Variants in OGDH observed in about 807,000 individuals in gnomAD.
The protein encoded by OGDH is 2-oxoglutarate dehydrogenase complex component E1.
Under a neutral mutation model 116.6 loss-of-function variants are expected in OGDH, and 38 were observed. That is an observed-to-expected ratio of 0.33 (90% CI 0.25 to 0.43). The LOEUF is 0.43. Ranked by LOEUF, OGDH falls within the 20% of genes least tolerant of loss-of-function variation. OGDH has a pLI of 1.00. For synonymous variants in OGDH, 488 were observed against 533.3 expected, an observed-to-expected ratio of 0.92 and a Z score of 1.17; for missense variants, 825 against 1,357.2, an observed-to-expected ratio of 0.61 and a Z score of 6.16.
intron 1 of OGDH, among the ~76,000 whole-genome samples, chr7:44,607,778 G>T (rs1451518426): frequency 6.6e-6 from 1 of 152,146 alleles, no homozygotes; most frequent in Non-Finnish European, 1.5e-5. Flanking sequence ...TCGGCTCACT[G>T]CAACCTCTGC....
In OGDH at chr7:44,660,332, C is replaced by G. The variant is rs1786878605; in HGVS notation, c.518-6404C>G. ...TAGAGGTGAAATCTCACTGTATTGC[C>G]CGGGCTGGTCATTATTGTATTCTTT... On this transcript the variant is annotated intron_variant, in intron 4 of 22. Transcript: ENST00000222673. Among the ~76,000 whole-genome samples, 2 of 152,066 alleles carry G rather than the reference C, an allele frequency of 1.3e-5. 1 individual carries two copies. The highest frequency in any genetic ancestry group is 4.1e-4 in the South Asian group (2 of 4,826).
chr7:44,644,751 G>A (rs2115771387), intron 2 of OGDH, among the ~76,000 whole-genome samples: 1 of 152,314 alleles, frequency 6.6e-6, no homozygotes, highest in South Asian at 2.1e-4. Context: ...CAAAGGATCA[G>A]GTTCCACTTT....
At chr7:44,645,678 T>TA (rs1237356662) in intron 3 of OGDH, among the ~76,000 whole-genome samples, 160 bp downstream of exon 3, 36 of 152,084 alleles carry the variant, frequency 2.4e-4, no homozygotes, top group African/African-American at 8.0e-4. Context: ...AAAAAACAAA[T>TA]ACACAAGAAA....
In OGDH at chr7:44,675,269, GTGAGGCACC is replaced by G. The variant is rs1787642327; in HGVS notation, c.1026+4_1026+12del. 1.2e-6 allele frequency: 2 copies of G among 1,612,954 alleles called. No homozygotes were observed. Among genetic ancestry groups the G allele is most frequent in the Non-Finnish European group, 1.7e-6 (2 of 1,179,124 alleles). ...TTCAAAGCTGGAGGCAGCTGATGAG[GTGAGGCACC>G]TGCATAGAGACACATCCAGCATAGC... On this transcript the variant is annotated splice_donor_variant and splice_donor_5th_base_variant and intron_variant, in intron 8 of 22. Coordinates refer to ENST00000222673, the MANE Select transcript of OGDH (RefSeq NM_002541.4). LOFTEE classifies it high-confidence loss of function.
intron 2 of OGDH, 137 bp from the exon 3 acceptor site, chr7:44,645,190 C>A: frequency 1.4e-6 from 1 of 728,028 alleles, no homozygotes; most frequent in South Asian, 1.8e-5. Flanking sequence ...GACAGAGACC[C>A]CACTGTCCAG....
intron 4 of OGDH, among the ~76,000 whole-genome samples, chr7:44,651,926 T>G (rs1248314144): frequency 6.6e-6 from 1 of 151,520 alleles, no homozygotes; most frequent in Non-Finnish European, 1.5e-5. Context: ...GTTCTCAAAC[T>G]CCTCTGAGCT....
chr7:44,708,126 C>G lies in OGDH; in HGVS notation c.*127C>G. 7.7e-7 allele frequency: 1 copy of G among 1,302,618 alleles called. No homozygotes were observed. The highest frequency in any genetic ancestry group is 1.5e-5 in the African/African-American group (1 of 68,032). The allele number at this position is 1,302,618 out of a possible 1,614,324, so 80.7% of individuals were successfully genotyped here. A position where few individuals can be genotyped will look rare whatever the true frequency, so the allele number is the denominator to read the frequency against. Reference sequence around the variant, plus strand: ...CCTCCTCGCTGTGCCACCACCCCTCCCTCTGCTCTCATAGGAGTTAGGCTG... The same window carrying G: ...CCTCCTCGCTGTGCCACCACCCCTCGCTCTGCTCTCATAGGAGTTAGGCTG... On this transcript the variant is annotated 3_prime_UTR_variant, in exon 23 of 23. Transcript: ENST00000222673.
chr7:44,613,949 G>C (rs945323417), intron 1 of OGDH, among the ~76,000 whole-genome samples: 2 of 151,930 alleles, frequency 1.3e-5, no homozygotes, highest in African/African-American at 4.8e-5. Flanking sequence ...TGGGATTACA[G>C]GTATGTGCTG....
intron 9 of OGDH, among the ~76,000 whole-genome samples, chr7:44,679,454 T>C (rs1254723965): frequency 1.3e-5 from 2 of 152,172 alleles, no homozygotes; most frequent in Non-Finnish European, 2.9e-5. Flanking sequence ...GTTCTGTTTT[T>C]AAAAATTCTA....
intron 2 of OGDH, among the ~76,000 whole-genome samples, chr7:44,633,269 A>AAC (rs1554298392): frequency 6.6e-6 from 1 of 151,352 alleles, no homozygotes; most frequent in Non-Finnish European, 1.5e-5. Flanking sequence ...AAAAAAAAAA[A>AAC]AAAAACCCTC....
intron 19 of OGDH, 26 bp from the exon 20 acceptor site, chr7:44,701,517 C>T: frequency 6.2e-7 from 1 of 1,604,872 alleles, no homozygotes; most frequent in Non-Finnish European, 8.5e-7. Flanking sequence ...TCTGATCCTT[C>T]ACGAGCCTAT....
Position 44,707,415 on chromosome 7 carries a change from G to T in OGDH, c.2796+27G>T. ...TGAGGGCAGGTGGTGCCATCAGGGT[G>T]TCCCCCCAGCGGGGGTCAGGGCTCT... On this transcript the variant is annotated intron_variant, in intron 21 of 22. Transcript: ENST00000222673. This position sits in a 1 kb window ranked among gnomAD's most constrained non-coding sequence, Gnocchi z 5.2. 6.2e-7 allele frequency: 1 copy of T among 1,613,360 alleles called. No homozygotes were observed. The highest frequency in any genetic ancestry group is 2.2e-5 in the East Asian group (1 of 44,890).
At chr7:44,699,246 T>C (rs1788719236) in intron 18 of OGDH, among the ~76,000 whole-genome samples, 1 of 151,916 alleles carries the variant, frequency 6.6e-6, no homozygotes, top group African/African-American at 2.4e-5. Context: ...GCCAATATAG[T>C]GAAACCCCGT....
rs1193273919 is a variant in OGDH at position 44,694,226 on chromosome 7, C to G, written c.1516-198C>G. Among the ~76,000 whole-genome samples, 1 of 152,124 alleles carries G rather than the reference C, an allele frequency of 6.6e-6. No homozygotes were observed. The highest frequency in any genetic ancestry group is 1.5e-5 in the Non-Finnish European group (1 of 68,024). ...GGAGCTGTGGTGGTGAGGAGGGCCA[C>G]TCCTCATTGACAGAGCAGCTCTACT... is the stretch of plus-strand genomic sequence containing the variant. On this transcript the variant is annotated intron_variant, in intron 11 of 22. Transcript: ENST00000222673. The surrounding 1 kb of genome is among the most constrained non-coding windows in gnomAD (Gnocchi z 4.2).
intron 2 of OGDH, among the ~76,000 whole-genome samples, chr7:44,627,971 C>G (rs1279456265): frequency 6.6e-6 from 1 of 152,224 alleles, no homozygotes; most frequent in Non-Finnish European, 1.5e-5. Flanking sequence ...GCCACTGCAC[C>G]CAGCCCCATT....
At chr7:44,671,491 C>T (rs569796587) in intron 5 of OGDH, among the ~76,000 whole-genome samples, 84 of 151,994 alleles carry the variant, frequency 5.5e-4, no homozygotes, top group African/African-American at 1.9e-3. Context: ...TAGCCGGGCG[C>T]GGTGGCTCAC....
intron 4 of OGDH, among the ~76,000 whole-genome samples, chr7:44,661,310 C>T (rs929483527): frequency 3.8e-4 from 58 of 152,178 alleles, no homozygotes; most frequent in Non-Finnish European, 5.7e-4. Context: ...TGCATTTTTT[C>T]CTCCCTTTAC....
chr7:44,706,624 ATTT>A (rs60453820), intron 20 of OGDH, among the ~76,000 whole-genome samples: 2 of 123,230 alleles, frequency 1.6e-5, no homozygotes, highest in Non-Finnish European at 3.4e-5. Flanking sequence ...CCCGGCTGGT[ATTT>A]TTTTTTTTTT....
In OGDH at chr7:44,698,138, G is replaced by A; in HGVS notation, c.2359-54G>A. On this transcript the variant is annotated intron_variant, in intron 17 of 22. Coordinates refer to ENST00000222673, the MANE Select transcript of OGDH (RefSeq NM_002541.4). ...TGGTTGAGGAGGAACAGCAGATGCGGCAAATGTCAGTACGCAAGAGCTCTT... is the reference window on the plus strand; with the variant it reads ...TGGTTGAGGAGGAACAGCAGATGCGACAAATGTCAGTACGCAAGAGCTCTT... 6.3e-6 allele frequency: 10 copies of A among 1,592,712 alleles called. No homozygotes were observed. In the South Asian group the frequency reaches 9.9e-5, roughly 16 times the overall value.
Sources: gnomAD v4.1 joint callset for allele counts (sites outside exome capture counted in the v4.1 genomes callset) on GRCh38, gnomAD v4.1.1 for gene constraint, Gnocchi (gnomAD v3.1) non-coding constraint, MANE v1.5 for transcripts, NCBI Gene and HGNC (gene_info 2026-07-23, HGNC 2026-07-21) for gene names.